Variants in PROS1 observed in about 807,000 individuals in gnomAD.
PROS1 encodes vitamin K-dependent protein S.
Under a neutral mutation model 75.9 loss-of-function variants are expected in PROS1, and 29 were observed. The ratio of observed to expected loss-of-function variants is 0.38; its 90% CI spans 0.28 to 0.52. The LOEUF is 0.52. Among genes scored for constraint, PROS1 ranks in the 20% least tolerant of loss-of-function variants. PROS1 has a pLI of 0.83. For missense variants in PROS1, 680 were observed against 810.3 expected (o/e 0.84, Z 1.95); for synonymous variants, 245 against 280.6 (o/e 0.87, Z 1.27).
At chr3:93,915,152 A>G (rs1330055364) in intron 3 of PROS1, among the ~76,000 whole-genome samples, 6 of 152,152 alleles carry the variant, frequency 3.9e-5, no homozygotes, top group Admixed American at 3.9e-4. Context: ...TTTTTCTCAT[A>G]TATTACTGTA....
intron 3 of PROS1, chr3:93,911,075 A>AT: frequency 3.7e-6 from 1 of 270,316 alleles, no homozygotes; most frequent in Non-Finnish European, 7.2e-6. Context: ...CCAGAGTCTG[A>AT]TTTATAAAGT....
At position 93,893,139 on chromosome 3, in the gene PROS1, G is replaced by C. The variant is rs199469490; in HGVS notation, c.966-17C>G. 25 of 1,597,920 alleles carry C rather than the reference G, an allele frequency of 1.6e-5. No homozygotes were observed. The highest frequency in any genetic ancestry group is 1.1e-4 in the East Asian group (5 of 44,464). ...GCTGAAAATCTAAACAATGGACAAAGAGAGATCCTTAAGAGTAAGAAATAC... is the reference window on the plus strand; with the variant it reads ...GCTGAAAATCTAAACAATGGACAAACAGAGATCCTTAAGAGTAAGAAATAC... On this transcript the variant is annotated splice_polypyrimidine_tract_variant and intron_variant, in intron 9 of 14. Coordinates refer to ENST00000394236, the MANE Select transcript of PROS1 (RefSeq NM_000313.4).
At chr3:93,882,043 CAT>C (rs1027733920) in intron 12 of PROS1, among the ~76,000 whole-genome samples, 5 of 151,794 alleles carry the variant, frequency 3.3e-5, no homozygotes, top group African/African-American at 1.2e-4. Flanking sequence ...AGCTAATAAA[CAT>C]ATGGGAGGAT....
At chr3:93,940,298 G>A (rs916531598) in intron 1 of PROS1, among the ~76,000 whole-genome samples, 26 of 152,098 alleles carry the variant, frequency 1.7e-4, no homozygotes, top group African/African-American at 4.3e-4. Context: ...CGATTGCCTC[G>A]GAAGTCTCCT....
chr3:93,928,760 A>G, intron 1 of PROS1: 3 of 1,294,370 alleles, frequency 2.3e-6, no homozygotes, highest in Non-Finnish European at 3.1e-6. Flanking sequence ...AAATGCATGC[A>G]CGGTTGTATA....
chr3:93,886,092 T>G (rs1708342392), intron 11 of PROS1, among the ~76,000 whole-genome samples: 1 of 152,228 alleles, frequency 6.6e-6, no homozygotes, highest in Non-Finnish European at 1.5e-5. Context: ...TTGAGAATTT[T>G]AGAAATCCAC....
intron 3 of PROS1, among the ~76,000 whole-genome samples, chr3:93,916,397 A>C (rs1406737555): frequency 6.6e-6 from 1 of 152,192 alleles, no homozygotes; most frequent in Non-Finnish European, 1.5e-5. Flanking sequence ...GTTTCATATG[A>C]GTTTAGAACC....
In PROS1 at chr3:93,893,056, G is replaced by A. The variant is rs78449232; in HGVS notation, c.1032C>T (p.Ile344=). The A allele has an allele frequency of 1.8e-3, 2,885 of 1,613,888 alleles. 38 individuals carry two copies. The African/African-American group carries it at 0.032, about 18-fold the overall frequency. The change falls in exon 10 of 15, where the codon ATC becomes ATT. Residue 344 remains isoleucine, a synonymous_variant. Transcript: ENST00000394236. ...CAATCAGGAGCCACGCTGAGTGATC[G>A]ATAGATTCTGCGTACAGTATCACGC... ...SEGVILYAES[I]DHSAWLLIAL...
intron 3 of PROS1, among the ~76,000 whole-genome samples, chr3:93,912,226 T>C (rs1469960707): frequency 1.3e-5 from 2 of 152,184 alleles, no homozygotes; most frequent in African/African-American, 2.4e-5. Context: ...CATCCTTGTA[T>C]GTCTACCAGT....
intron 1 of PROS1, among the ~76,000 whole-genome samples, chr3:93,951,845 T>G (rs1709503797): frequency 6.6e-6 from 1 of 152,178 alleles, no homozygotes; most frequent in South Asian, 2.1e-4. Context: ...CAATCTCATG[T>G]GCACAGACAC....
Position 93,973,698 on chromosome 3 carries a change from C to G in PROS1, c.52G>C (p.Val18Leu), listed in dbSNP as rs1387038472. The G allele has an allele frequency of 1.2e-6, 2 of 1,613,904 alleles. No individual in the cohort carries two copies. The highest frequency in any genetic ancestry group is 1.7e-5 in the Admixed American group (1 of 59,994). ...CAGTTTGCCTCTGAGACGGGAAGCACTAGGAGGAGACACGCCAGCAGCGCC... is the reference window on the plus strand; with the variant it reads ...CAGTTTGCCTCTGAGACGGGAAGCAGTAGGAGGAGACACGCCAGCAGCGCC... ...CGALLACLLL[V>L]LPVSEANFLS... Residue 18 changes from valine to leucine, a missense_variant, in exon 1 of 15, where the codon GTG becomes CTG. Val to Leu is a conservative substitution (Grantham distance 32, BLOSUM62 1). Transcript: ENST00000394236.
intron 1 of PROS1, among the ~76,000 whole-genome samples, chr3:93,970,785 T>C (rs1328623566): frequency 6.6e-6 from 1 of 152,198 alleles, no homozygotes; most frequent in Non-Finnish European, 1.5e-5. Flanking sequence ...TGAATTAGAT[T>C]ATTTCTAATA....
At chr3:93,971,022 T>C (rs1291393701) in intron 1 of PROS1, among the ~76,000 whole-genome samples, 1 of 151,776 alleles carries the variant, frequency 6.6e-6, no homozygotes, top group Non-Finnish European at 1.5e-5. Context: ...ATTTTTTTAA[T>C]CGTCCTTAGC....
intron 1 of PROS1, among the ~76,000 whole-genome samples, chr3:93,946,426 C>A (rs1709400547): frequency 6.6e-6 from 1 of 152,096 alleles, no homozygotes; most frequent in Non-Finnish European, 1.5e-5. Flanking sequence ...CTACAGTAAC[C>A]AAAACAGCAT....
At chr3:93,951,861 G>A (rs1314484995) in intron 1 of PROS1, among the ~76,000 whole-genome samples, 2 of 152,116 alleles carry the variant, frequency 1.3e-5, no homozygotes, top group Non-Finnish European at 2.9e-5. Flanking sequence ...GACACACATA[G>A]GCTCAAAATA....
chr3:93,874,270 A>G lies in PROS1; in HGVS notation c.2006T>C (p.Val669Ala). Residue 669 changes from valine to alanine, a missense_variant, in exon 15 of 15, where the codon GTT becomes GCT. Coordinates refer to ENST00000394236, the MANE Select transcript of PROS1 (RefSeq NM_000313.4). Reference protein sequence around the residue: ...NDIRAHSCPSVWKKTKNS With the variant: ...NDIRAHSCPSAWKKTKNS ...TTAAGAATTCTTTGTCTTTTTCCAA[A>G]CTGATGGACATGAGTGAGCTCTAAT... 1 of 1,613,446 alleles carries G rather than the reference A, an allele frequency of 6.2e-7. No individual in the cohort carries two copies. The highest frequency in any genetic ancestry group is 1.1e-5 in the South Asian group (1 of 91,068).
intron 6 of PROS1, among the ~76,000 whole-genome samples, chr3:93,904,617 T>A (rs1270768543): frequency 1.3e-5 from 2 of 152,152 alleles, no homozygotes; most frequent in Non-Finnish European, 2.9e-5. Context: ...ACTTTTTTTT[T>A]TAACATTTTA....
chr3:93,927,873 ATG>A (rs1553814475), intron 1 of PROS1, among the ~76,000 whole-genome samples: 27 of 124,146 alleles, frequency 2.2e-4, no homozygotes, highest in African/African-American at 5.7e-4. Flanking sequence ...ATATATATAT[ATG>A]TGTGTATGTG....
intron 6 of PROS1, among the ~76,000 whole-genome samples, chr3:93,902,933 C>T (rs551996299): frequency 3.3e-5 from 5 of 152,038 alleles, no homozygotes; most frequent in Non-Finnish European, 7.4e-5. Context: ...CTGTTGTGAT[C>T]TCAGCTCACT....
Sources: gnomAD v4.1 joint callset for allele counts (sites outside exome capture counted in the v4.1 genomes callset) on GRCh38, gnomAD v4.1.1 for gene constraint, MANE v1.5 for transcripts, NCBI Gene and HGNC (gene_info 2026-07-23, HGNC 2026-07-21) for gene names.